GALNT13: variants seen among roughly 807,000 people sequenced by gnomAD.
The protein encoded by GALNT13 is UDP-GalNAc:polypeptide N-acetylgalactosaminyltransferase 13.
In GALNT13, 28 loss-of-function variants were observed where a neutral mutation model predicts 64.2. That is an observed-to-expected ratio of 0.44 (90% confidence interval 0.32 to 0.60). The LOEUF is 0.60. Ranked by LOEUF, GALNT13 falls within the 20% of genes least tolerant of loss-of-function variation. GALNT13 has a pLI of 0.05. For missense variants in GALNT13, 577 were observed against 669.8 expected, an observed-to-expected ratio of 0.86 and a Z score of 1.53; for synonymous variants, 214 against 224.6, an observed-to-expected ratio of 0.95 and a Z score of 0.42.
chr2:153,590,726 A>G, the GALNT13 span, among the ~76,000 whole-genome samples: 6 of 152,296 alleles, frequency 3.9e-5, no homozygotes, highest in East Asian at 1.2e-3. Context: ...AACCCATGTA[A>G]TCATCTCAAT....
intron 4 of GALNT13, among the ~76,000 whole-genome samples, chr2:154,180,429 A>T (rs905259721): frequency 4.6e-5 from 7 of 151,020 alleles, no homozygotes; most frequent in South Asian, 2.1e-4. Context: ...CCACTTATTT[A>T]AAAAAAAATA....
chr2:153,237,487 T>G, the GALNT13 span, among the ~76,000 whole-genome samples: 1 of 151,958 alleles, frequency 6.6e-6, no homozygotes, highest in African/African-American at 2.4e-5. Context: ...ACTACCCTTC[T>G]CAGCCTCTGG....
chr2:153,341,045 G>A, the GALNT13 span, among the ~76,000 whole-genome samples: 1 of 152,120 alleles, frequency 6.6e-6, no homozygotes, highest in Non-Finnish European at 1.5e-5. Context: ...TGACTGTCAT[G>A]CATGCTAAAA....
the GALNT13 span, among the ~76,000 whole-genome samples, chr2:153,239,379 A>G: frequency 6.6e-6 from 1 of 152,176 alleles, no homozygotes; most frequent in Non-Finnish European, 1.5e-5. Flanking sequence ...AATATTGAAT[A>G]ACAGTGGTAA....
chr2:153,831,566 C>T, the GALNT13 span, among the ~76,000 whole-genome samples: 5 of 151,830 alleles, frequency 3.3e-5, no homozygotes, highest in Non-Finnish European at 7.3e-5. Context: ...CACGCCTCAG[C>T]ACCCAGAAAC....
the GALNT13 span, among the ~76,000 whole-genome samples, chr2:153,540,353 A>T: frequency 4.6e-5 from 7 of 152,230 alleles, no homozygotes; most frequent in Non-Finnish European, 1.0e-4. Context: ...AATTCAGAGG[A>T]TGTATGGAAA....
chr2:154,292,079 G>T (rs1195863781), intron 8 of GALNT13, among the ~76,000 whole-genome samples: 1 of 152,046 alleles, frequency 6.6e-6, no homozygotes, highest in East Asian at 1.9e-4. Context: ...CTGTGCTCTG[G>T]GTGGAGCTAG....
chr2:153,553,607 G>C, the GALNT13 span, among the ~76,000 whole-genome samples: 1 of 152,180 alleles, frequency 6.6e-6, no homozygotes, highest in Non-Finnish European at 1.5e-5. Flanking sequence ...ATGTTTCCAA[G>C]AAAGAATATT....
the GALNT13 span, among the ~76,000 whole-genome samples, chr2:153,568,679 T>A: frequency 6.6e-6 from 1 of 152,166 alleles, no homozygotes; most frequent in African/African-American, 2.4e-5. Flanking sequence ...AGTGTACAGC[T>A]CAATAAATTT....
chr2:154,243,721 G>T (rs183669327), intron 6 of GALNT13, among the ~76,000 whole-genome samples: 1 of 152,186 alleles, frequency 6.6e-6, no homozygotes, highest in East Asian at 1.9e-4. Flanking sequence ...AACTAACATT[G>T]AATGCCAACT....
the GALNT13 span, among the ~76,000 whole-genome samples, chr2:153,177,657 T>A: frequency 6.6e-6 from 1 of 152,148 alleles, no homozygotes; most frequent in South Asian, 2.1e-4. Flanking sequence ...ATGCATATAA[T>A]GTGGAATAAT....
the GALNT13 span, among the ~76,000 whole-genome samples, chr2:153,655,004 A>G: frequency 6.6e-6 from 1 of 152,154 alleles, no homozygotes; most frequent in Non-Finnish European, 1.5e-5. Flanking sequence ...AGTATTAAGT[A>G]AATGTTTCTT....
At chr2:153,165,803 A>T in the GALNT13 span, among the ~76,000 whole-genome samples, 1 of 152,232 alleles carries the variant, frequency 6.6e-6, no homozygotes, top group Admixed American at 6.5e-5. Context: ...GGATCAGTAC[A>T]TATTTTTAAA....
chr2:153,956,132 C>T (rs1343055118), intron 3 of GALNT13, among the ~76,000 whole-genome samples: 1 of 152,188 alleles, frequency 6.6e-6, no homozygotes, highest in Admixed American at 6.5e-5. Context: ...ACACCAATAG[C>T]ATAGAACTAA....
At chr2:153,140,074 A>G in the GALNT13 span, among the ~76,000 whole-genome samples, 2 of 152,006 alleles carry the variant, frequency 1.3e-5, no homozygotes, top group African/African-American at 2.4e-5. Context: ...CTGGCATTTG[A>G]TGATGTGGTA....
At chr2:154,141,333 A>G (rs1683247123) in intron 4 of GALNT13, among the ~76,000 whole-genome samples, 1 of 152,152 alleles carries the variant, frequency 6.6e-6, no homozygotes, top group African/African-American at 2.4e-5. Context: ...TTTACTTCAT[A>G]AAGTCTTGAA....
At chr2:153,156,356 T>C in the GALNT13 span, among the ~76,000 whole-genome samples, 1 of 152,144 alleles carries the variant, frequency 6.6e-6, no homozygotes, top group African/African-American at 2.4e-5. Flanking sequence ...CTATTACAGG[T>C]TTTTCTCTAA....
intron 3 of GALNT13, among the ~76,000 whole-genome samples, chr2:154,066,183 C>T (rs10172124): frequency 0.33 from 49,393 of 151,280 alleles, 8,644 homozygotes; most frequent in Middle Eastern, 0.54. Flanking sequence ...TCACAGCAGA[C>T]GAAAGAAAAG....
chr2:153,146,324 A>G, the GALNT13 span, among the ~76,000 whole-genome samples: 1 of 151,782 alleles, frequency 6.6e-6, no homozygotes, highest in Non-Finnish European at 1.5e-5. Context: ...GTCAATTCCT[A>G]TTCAGTTTAT....
Sources: allele counts gnomAD v4.1 joint callset (sites outside exome capture counted in the v4.1 genomes callset), GRCh38; gene constraint gnomAD v4.1.1; transcripts MANE v1.5; gene names NCBI Gene and HGNC (gene_info 2026-07-23, HGNC 2026-07-21).